The following WWP2 variants were observed in gnomAD, a reference collection of about 807,000 sequenced individuals.
The protein encoded by WWP2 is WW domain containing E3 ubiquitin protein ligase 2.
A neutral mutation model predicts 121.0 loss-of-function variants in WWP2; 57 were observed. The observed-to-expected ratio is 0.47, with a 90% CI of 0.38 to 0.59. The LOEUF (loss-of-function observed/expected upper bound fraction) is 0.59, where lower values mean the gene tolerates loss of function less well. WWP2 is among the 20% of genes least tolerant of loss of function. The probability of loss-of-function intolerance (pLI) is 0.00; values close to 1 mark genes in which losing one functional copy is unlikely to be tolerated. For missense variants in WWP2, 962 were observed against 1,158.9 expected (o/e 0.83, Z 2.47); for synonymous variants, 449 against 441.3 (o/e 1.02, Z -0.22).
At chr16:69,879,232 T>A (rs2057783892) in intron 7 of WWP2, among the ~76,000 whole-genome samples, 1 of 152,182 alleles carries the variant, frequency 6.6e-6, no homozygotes, top group Admixed American at 6.5e-5. Flanking sequence ...AACATGAAAT[T>A]TACCATTTAA....
intron 4 of WWP2, among the ~76,000 whole-genome samples, chr16:69,837,453 C>G (rs912308926): frequency 1.3e-5 from 2 of 152,190 alleles, no homozygotes; most frequent in East Asian, 3.8e-4. Flanking sequence ...CCACTGGAGA[C>G]AATGAGTAGA....
At chr16:69,769,803 ATATT>A (rs2055374155) in intron 1 of WWP2, among the ~76,000 whole-genome samples, 1 of 151,804 alleles carries the variant, frequency 6.6e-6, no homozygotes, top group South Asian at 2.1e-4. Context: ...TGTGAAATAT[ATATT>A]TAGTCTTCCT....
chr16:69,822,318 C>T lies in WWP2; in HGVS notation c.341-17808C>T, dbSNP rs9933745. On this transcript the variant is annotated intron_variant, in intron 4 of 23. Coordinates refer to ENST00000359154, the MANE Select transcript of WWP2 (RefSeq NM_001270454.2). ...GGCCTGACGCTGATTTATCAGCTTT[C>T]GTGCAGTAAGCACCTTTGAATTCCG... is the stretch of plus-strand genomic sequence containing the variant. Among the ~76,000 whole-genome samples, 387 of 152,266 alleles carry T rather than the reference C, an allele frequency of 2.5e-3. 3 individuals carry two copies. The highest frequency in any genetic ancestry group is 6.8e-3 in the African/African-American group (282 of 41,544).
chr16:69,804,169 T>G (rs756204622), intron 4 of WWP2, among the ~76,000 whole-genome samples: 2 of 152,244 alleles, frequency 1.3e-5, no homozygotes, highest in Non-Finnish European at 2.9e-5. Context: ...ACTTTGTATG[T>G]TTTTAACTTT....
At chr16:69,910,577 T>G (rs2058365212) in intron 9 of WWP2, among the ~76,000 whole-genome samples, 1 of 152,110 alleles carries the variant, frequency 6.6e-6, no homozygotes, top group South Asian at 2.1e-4. Flanking sequence ...GCCCAACTAA[T>G]TTTTTGTATT....
intron 9 of WWP2, among the ~76,000 whole-genome samples, chr16:69,916,679 G>C (rs2058483773): frequency 6.6e-6 from 1 of 152,108 alleles, no homozygotes; most frequent in Non-Finnish European, 1.5e-5. Flanking sequence ...GAGGAGAATT[G>C]ACATGAGGAG....
chr16:69,819,788 T>C (rs1054518022), intron 4 of WWP2, among the ~76,000 whole-genome samples: 1 of 152,190 alleles, frequency 6.6e-6, no homozygotes, highest in African/African-American at 2.4e-5. Context: ...AAAAAAACAT[T>C]ACTGAGTCAT....
In WWP2 at chr16:69,940,113, T is replaced by A. The variant is rs1457870683; in HGVS notation, c.*173T>A. ...GCCTGATCCCAGGAGGCCCTGCAGT[T>A]CCCCCGACCCGCGGATGGCAGTCTG... On this transcript the variant is annotated 3_prime_UTR_variant, in exon 24 of 24. Transcript: ENST00000359154. 3 of 605,194 alleles carry A rather than the reference T, an allele frequency of 5.0e-6. No homozygotes were observed. Among genetic ancestry groups the A allele is most frequent in the Non-Finnish European group, 8.7e-6 (3 of 345,288 alleles). 37.5% of individuals were successfully genotyped at this position (605,194 alleles called of 1,614,324 possible).
intron 6 of WWP2, among the ~76,000 whole-genome samples, chr16:69,844,109 A>G (rs1216830643): frequency 2.0e-5 from 3 of 151,636 alleles, no homozygotes; most frequent in African/African-American, 7.3e-5. Context: ...CAGAGATGCC[A>G]TTTCCCCATT....
intron 6 of WWP2, among the ~76,000 whole-genome samples, chr16:69,864,549 T>A (rs746206421): frequency 2.6e-5 from 4 of 151,792 alleles, no homozygotes; most frequent in Non-Finnish European, 5.9e-5. Context: ...AAAAACTCTG[T>A]CCATTCTTTT....
In WWP2 at chr16:69,888,385, G is replaced by A. The variant is rs2057965978; in HGVS notation, c.914+136G>A. The A allele has an allele frequency of 1.1e-5, 10 of 908,406 alleles. No individual in the cohort carries two copies. In the South Asian group the frequency reaches 1.8e-4, roughly 16 times the overall value. 56.3% of individuals were successfully genotyped at this position (908,406 alleles called of 1,614,324 possible). ...GGAGGCTGCTGTGCATTGAAGCAAGGGAGGTGTGGAAGAACTGCTTGTTCT... is the reference window on the plus strand; with the variant it reads ...GGAGGCTGCTGTGCATTGAAGCAAGAGAGGTGTGGAAGAACTGCTTGTTCT... On this transcript the variant is annotated intron_variant, in intron 8 of 23. Transcript: ENST00000359154.
intron 1 of WWP2, among the ~76,000 whole-genome samples, chr16:69,777,540 A>G (rs746695444): frequency 9.2e-5 from 14 of 151,570 alleles, no homozygotes; most frequent in African/African-American, 1.5e-4. Flanking sequence ...ACCTCAAGCA[A>G]TTCACCCACC....
intron 4 of WWP2, among the ~76,000 whole-genome samples, chr16:69,832,593 G>T (rs1395709279): frequency 6.6e-6 from 1 of 152,134 alleles, no homozygotes. Flanking sequence ...TCAGTCCGGA[G>T]TGCAGTGACA....
chr16:69,898,027 C>CTTTT (rs369977148), intron 8 of WWP2, among the ~76,000 whole-genome samples: 20 of 128,118 alleles, frequency 1.6e-4, no homozygotes, highest in East Asian at 2.3e-4. Context: ...TTCTTTCTTT[C>CTTTT]TTTTTTTTTT....
rs377229472 is a variant in WWP2 at position 69,925,596 on chromosome 16, C to T, written c.1234+112C>T. ...TCCTGTCCCTCTGTTTTCCATCTCT[C>T]CCCTCTCCAGCACACTCTCTGGGCA... On this transcript the variant is annotated intron_variant, in intron 11 of 23. Transcript: ENST00000359154. The surrounding 1 kb of genome is among the most constrained non-coding windows in gnomAD (Gnocchi z 4.0). 150 of 1,381,036 alleles carry T rather than the reference C, an allele frequency of 1.1e-4. 2 individuals carry two copies. In the African/African-American group the frequency reaches 1.7e-3, roughly 16 times the overall value. The allele number at this position is 1,381,036 out of a possible 1,614,324, so 85.5% of individuals were successfully genotyped here.
rs2151989275 is a variant in WWP2 at position 69,930,175 on chromosome 16, C to T, written c.1362C>T (p.Tyr454=). The part of the protein sequence containing the change: ...PALPPGWEMK[Y]TSEGVRYFVD... ...TGCCCCCAGGATGGGAGATGAAATA[C>T]ACCAGCGAGGGGGTGCGATACTTTG... Residue 454 remains tyrosine (Y), a synonymous_variant, in exon 13 of 24, where the codon TAC becomes TAT. Coordinates refer to ENST00000359154, the MANE Select transcript of WWP2 (RefSeq NM_001270454.2). 1 of 1,614,078 alleles carries T rather than the reference C, an allele frequency of 6.2e-7. No individual in the cohort carries two copies. Among genetic ancestry groups the T allele is most frequent in the Non-Finnish European group, 8.5e-7 (1 of 1,179,986 alleles).
chr16:69,794,267 G>A (rs868467939), intron 2 of WWP2, among the ~76,000 whole-genome samples: 2 of 151,954 alleles, frequency 1.3e-5, no homozygotes, highest in South Asian at 4.2e-4. Flanking sequence ...GCTCATGCCT[G>A]TAATCCCAGT....
intron 8 of WWP2, among the ~76,000 whole-genome samples, chr16:69,892,518 C>A (rs1177531312): frequency 1.3e-5 from 2 of 152,136 alleles, no homozygotes; most frequent in Non-Finnish European, 1.5e-5. Context: ...ACTGTTCTTA[C>A]CCTTTCCCAA....
intron 9 of WWP2, among the ~76,000 whole-genome samples, chr16:69,915,261 C>T (rs2058462618): frequency 6.6e-6 from 1 of 152,242 alleles, no homozygotes; most frequent in Non-Finnish European, 1.5e-5. Context: ...TAGTATTCTA[C>T]ATTGTCATCC....
Sources: gnomAD v4.1 joint callset for allele counts (sites outside exome capture counted in the v4.1 genomes callset) on GRCh38, gnomAD v4.1.1 for gene constraint, Gnocchi (gnomAD v3.1) non-coding constraint, MANE v1.5 for transcripts, NCBI Gene and HGNC (gene_info 2026-07-23, HGNC 2026-07-21) for gene names.